MTOR: variants seen among roughly 807,000 people sequenced by gnomAD.
MTOR encodes the protein serine/threonine-protein kinase mTOR.
In MTOR, 70 loss-of-function variants were observed where a neutral mutation model predicts 319.8. The ratio of observed to expected loss-of-function variants is 0.22; its 90% CI spans 0.18 to 0.27. The LOEUF (loss-of-function observed/expected upper bound fraction) is 0.27, where lower values mean the gene tolerates loss of function less well. MTOR is among the 10% of genes least tolerant of loss of function. MTOR has a pLI of 1.00. For missense variants in MTOR, 1,890 were observed against 3,274.4 expected (o/e 0.58, Z 10.32); for synonymous variants, 1,183 against 1,211.4 (o/e 0.98, Z 0.49).
chr1:11,201,713 C>T (rs1645974477), intron 26 of MTOR, among the ~76,000 whole-genome samples: 1 of 152,288 alleles, frequency 6.6e-6, no homozygotes, highest in Middle Eastern at 3.4e-3. Flanking sequence ...AATCTTTATC[C>T]TATTCACATT....
intron 13 of MTOR, among the ~76,000 whole-genome samples, 197 bp downstream of exon 13, chr1:11,237,646 G>A (rs530401272): frequency 5.3e-5 from 8 of 152,154 alleles, no homozygotes; most frequent in African/African-American, 1.9e-4. Flanking sequence ...ATTGACAAAG[G>A]GCTCATGAGG....
Position 11,216,154 on chromosome 1 carries a change from G to A in MTOR, c.3111C>T (p.Leu1037=), listed in dbSNP as rs756558614. 5 of 1,612,456 alleles carry A rather than the reference G, an allele frequency of 3.1e-6. No individual in the cohort carries two copies. The highest frequency in any genetic ancestry group is 4.5e-5 in the East Asian group (2 of 44,862). ...AGCATTAACTTCTACTCACTCTCAT[G>A]AGGGTGACTATTTCATCCATATAAG... ...IRPYMDEIVT[L]MREFWVMNTS... Residue 1037 remains leucine (L), a synonymous_variant, in exon 20 of 58, where the codon CTC becomes CTT. Transcript: ENST00000361445.
chr1:11,218,330 T>C (rs1033246520), intron 19 of MTOR, among the ~76,000 whole-genome samples: 5 of 151,764 alleles, frequency 3.3e-5, no homozygotes, highest in Non-Finnish European at 5.9e-5. Context: ...CTCGGGAGGC[T>C]GAGGCAGGAG....
At chr1:11,206,301 C>G in intron 25 of MTOR, among the ~76,000 whole-genome samples, 1 of 152,196 alleles carries the variant, frequency 6.6e-6, no homozygotes, top group Non-Finnish European at 1.5e-5. Context: ...CTTTTTCCCT[C>G]TAATGAAATG....
At chr1:11,145,862 G>T (rs1021692973) in intron 32 of MTOR, among the ~76,000 whole-genome samples, 1 of 152,116 alleles carries the variant, frequency 6.6e-6, no homozygotes, top group Non-Finnish European at 1.5e-5. Context: ...AATAGATTCT[G>T]CACACACTTC....
Position 11,113,757 on chromosome 1 carries a change from C to A in MTOR, c.7300+561G>T, listed in dbSNP as rs1005891563. On this transcript the variant is annotated intron_variant, in intron 53 of 57. Coordinates refer to ENST00000361445, the MANE Select transcript of MTOR (RefSeq NM_004958.4). ...CCTCCTGAGCAGGTAGGACCACCGG[C>A]ATGTGCCACTGTACCCACCTTAATA... 7.2e-5 allele frequency among the ~76,000 whole-genome samples: 11 copies of A among 152,128 alleles called. 1 individual carries two copies.
chr1:11,135,225 G>A (rs1216665505), intron 36 of MTOR, among the ~76,000 whole-genome samples: 2 of 152,124 alleles, frequency 1.3e-5, no homozygotes, highest in Non-Finnish European at 1.5e-5. Context: ...CTTGATAAGT[G>A]CGGTCCATAT....
In MTOR at chr1:11,212,523, G is replaced by T; in HGVS notation, c.3399-49C>A. The stretch of plus-strand genomic sequence containing the variant: ...TAACTGCTAACATACAATCTCCAAG[G>T]AAGAGACGTGACTGAGGGTGAGCTT... On this transcript the variant is annotated intron_variant, in intron 22 of 57. Coordinates refer to ENST00000361445, the MANE Select transcript of MTOR (RefSeq NM_004958.4). The surrounding 1 kb of genome is among the most constrained non-coding windows in gnomAD (Gnocchi z 4.1). The T allele has an allele frequency of 6.3e-7, 1 of 1,582,206 alleles. No homozygotes were observed. The highest frequency in any genetic ancestry group is 1.2e-5 in the South Asian group (1 of 85,540).
rs75535922 is a variant in MTOR, at chr1:11,198,270, C to T, written c.4253+988G>A. Among the ~76,000 whole-genome samples the T allele has an allele frequency of 7.8e-3, 1,195 of 152,308 alleles. 19 individuals are homozygous for T. The highest frequency in any genetic ancestry group is 0.027 in the African/African-American group (1,104 of 41,556). On this transcript the variant is annotated intron_variant, in intron 28 of 57. Transcript: ENST00000361445. Reference sequence around the variant, plus strand: ...GAGGACGGCATGTTTTTAATTATTCCTACATGGTATTTCAGAAATCAACAT... The same window carrying T: ...GAGGACGGCATGTTTTTAATTATTCTTACATGGTATTTCAGAAATCAACAT...
intron 19 of MTOR, among the ~76,000 whole-genome samples, chr1:11,228,346 G>A (rs991928891): frequency 5.3e-5 from 8 of 152,076 alleles, no homozygotes; most frequent in South Asian, 2.1e-4. Flanking sequence ...GCACCATCAC[G>A]CATGGCTAAT....
intron 28 of MTOR, among the ~76,000 whole-genome samples, chr1:11,190,806 G>T (rs1190227384): frequency 1.3e-5 from 2 of 152,120 alleles, no homozygotes; most frequent in African/African-American, 4.8e-5. Context: ...ATTTCTTGCT[G>T]ATATAAAAAC....
rs757808612 is a variant in MTOR at position 11,233,371 on chromosome 1, CTATGGAAAAAG to C, written c.2421+16_2421+26del. ...TAGTTTCTTTTCCACCCTATCTCCG[CTATGGAAAAAG>C]TAGCTGCCCCTTTACCTGTGCCAAT... is the stretch of plus-strand genomic sequence containing the variant. On this transcript the variant is annotated intron_variant, in intron 15 of 57. Transcript: ENST00000361445. 1 of 1,598,386 alleles carries C rather than the reference CTATGGAAAAAG, an allele frequency of 6.3e-7. No individual in the cohort carries two copies. Among genetic ancestry groups the C allele is most frequent in the Non-Finnish European group, 8.6e-7 (1 of 1,167,146 alleles).
chr1:11,212,320 C>G lies in MTOR; in HGVS notation c.3553G>C (p.Gly1185Arg). Reference protein sequence around the residue: ...DTLSSLVFQLGKKYQIFIPMV... With the variant: ...DTLSSLVFQLRKKYQIFIPMV... The stretch of plus-strand genomic sequence containing the variant: ...CCAGACTCCCATCTTACCTTCTTCC[C>G]CAGCTGAAAAACAAGTGAAGACAGC... The change falls in exon 23 of 58, where the codon GGG (glycine) becomes CGG (arginine). Residue 1185 changes from glycine to arginine, a missense_variant. Around this residue, in one of 15 missense-constraint regions of MTOR, gnomAD observed 115 missense variants for 105.7 expected, o/e 1.09. Transcript: ENST00000361445. The surrounding 1 kb of genome is among the most constrained non-coding windows in gnomAD (Gnocchi z 4.1). 2 of 1,613,392 alleles carry G rather than the reference C, an allele frequency of 1.2e-6. No homozygotes were observed. The highest frequency in any genetic ancestry group is 1.7e-6 in the Non-Finnish European group (2 of 1,179,690).
chr1:11,194,922 A>G (rs764347375), intron 28 of MTOR: 1 of 1,614,154 alleles, frequency 6.2e-7, no homozygotes, highest in Non-Finnish European at 8.5e-7. Flanking sequence ...GGGTGAGCAC[A>G]ATAAGCACCT....
chr1:11,177,427 C>T (rs1346455853), intron 28 of MTOR, among the ~76,000 whole-genome samples: 1 of 152,070 alleles, frequency 6.6e-6, no homozygotes, highest in Non-Finnish European at 1.5e-5. Flanking sequence ...GTGAGGTGAT[C>T]TGTGTCTGCA....
chr1:11,148,884 C>T (rs1038000598), intron 31 of MTOR, among the ~76,000 whole-genome samples: 3 of 149,382 alleles, frequency 2.0e-5, no homozygotes, highest in African/African-American at 7.4e-5. Context: ...GGTGACAGAG[C>T]GAGACTCCAT....
Position 11,256,067 on chromosome 1 carries a change from T to C in MTOR, c.630A>G (p.Val210=), listed in dbSNP as rs780803738. The C allele has an allele frequency of 6.2e-7, 1 of 1,614,138 alleles. No individual in the cohort carries two copies. Among genetic ancestry groups the C allele is most frequent in the Non-Finnish European group, 8.5e-7 (1 of 1,180,028 alleles). The change falls in exon 5 of 58, where the codon GTA becomes GTG. Residue 210 remains valine (V), a synonymous_variant. Coordinates refer to ENST00000361445, the MANE Select transcript of MTOR (RefSeq NM_004958.4). ...GAATCAGACAGGCACGAAGGGCGGCTACAGCTCCCTCACGGATGGCCTGTT... is the reference window on the plus strand; with the variant it reads ...GAATCAGACAGGCACGAAGGGCGGCCACAGCTCCCTCACGGATGGCCTGTT... ...DPKQAIREGA[V]AALRACLILT...
chr1:11,220,369 C>T (rs1646624343), intron 19 of MTOR, among the ~76,000 whole-genome samples: 1 of 151,874 alleles, frequency 6.6e-6, no homozygotes, highest in South Asian at 2.1e-4. Flanking sequence ...ATATTCTTGG[C>T]TAAAAAAATA....
chr1:11,139,367 C>T lies in MTOR; in HGVS notation c.5067G>A (p.Leu1689=), dbSNP rs2100477198. 1.2e-6 allele frequency: 2 copies of T among 1,613,560 alleles called. No homozygotes were observed. The highest frequency in any genetic ancestry group is 1.7e-6 in the Non-Finnish European group (2 of 1,179,872). The change falls in exon 36 of 58, where the codon CTG becomes CTA. Residue 1689 remains leucine, a synonymous_variant. Coordinates refer to ENST00000361445, the MANE Select transcript of MTOR (RefSeq NM_004958.4). ...AGGTCACCTGAGGGTGAACTGTTGG[C>T]AGAGGATGGTCAAGTTGCCGAGACG... ...VDPSRQLDHP[L]PTVHPQVTYA... is the part of the protein sequence containing the mutation.
Sources: allele counts gnomAD v4.1 joint callset (sites outside exome capture counted in the v4.1 genomes callset), GRCh38; gene constraint gnomAD v4.1.1; regional missense constraint gnomAD v4.1.1; non-coding constraint Gnocchi (gnomAD v3.1); transcripts MANE v1.5; gene names NCBI Gene and HGNC (gene_info 2026-07-23, HGNC 2026-07-21).